The following TBCB variants were observed in gnomAD, a reference collection of about 807,000 sequenced individuals.
The protein encoded by TBCB is tubulin-folding cofactor B.
Under a neutral mutation model 29.2 loss-of-function variants are expected in TBCB, and 18 were observed. The observed-to-expected ratio is 0.62, with a 90% CI of 0.43 to 0.91. TBCB has a LOEUF of 0.91. Among genes scored for constraint, TBCB ranks in the 40% least tolerant of loss-of-function variants. The probability of loss-of-function intolerance (pLI) is 0.00; values close to 1 mark genes in which losing one functional copy is unlikely to be tolerated. For synonymous variants in TBCB, 172 were observed against 137.8 expected (o/e 1.25, Z -1.74); for missense variants, 336 against 337.6 (o/e 1.00, Z 0.04).
intron 2 of TBCB, among the ~76,000 whole-genome samples, chr19:36,119,301 C>T (rs1002005439): frequency 6.6e-6 from 1 of 152,204 alleles, no homozygotes; most frequent in Non-Finnish European, 1.5e-5. Context: ...AAGGCCATTC[C>T]TATTTTGCCA....
At chr19:36,123,256 T>TC (rs976673800) in intron 4 of TBCB, among the ~76,000 whole-genome samples, 2 of 98,494 alleles carry the variant, frequency 2.0e-5, no homozygotes, top group African/African-American at 3.3e-5. Context: ...ACCTTCTTCT[T>TC]TTTTTTTTTT....
At chr19:36,125,292 G>C (rs1974118947) in intron 4 of TBCB, among the ~76,000 whole-genome samples, 159 bp from the exon 5 acceptor site, 1 of 152,236 alleles carries the variant, frequency 6.6e-6, no homozygotes, top group Non-Finnish European at 1.5e-5. Flanking sequence ...GCAGGAGCTG[G>C]AGGTGGTCCT....
chr19:36,115,305 G>T (rs554368387), upstream of TBCB: 1 of 546,948 alleles, frequency 1.8e-6, no homozygotes, highest in Non-Finnish European at 3.2e-6. Flanking sequence ...TTCCCGGGCC[G>T]CTATTGGAAG....
intron 4 of TBCB, 117 bp downstream of exon 4, chr19:36,121,835 G>C (rs912767896): frequency 7.8e-6 from 10 of 1,288,888 alleles, no homozygotes; most frequent in Non-Finnish European, 1.1e-5. Flanking sequence ...GGTTGGGGGG[G>C]ACTCGAAACG....
At chr19:36,121,794 C>T (rs1238471921) in intron 4 of TBCB, 76 bp downstream of exon 4, 11 of 1,527,576 alleles carry the variant, frequency 7.2e-6, no homozygotes, top group Admixed American at 3.9e-5. Flanking sequence ...ACAGTGGAGC[C>T]TCGGAGACCA....
At chr19:36,120,857 G>T in intron 3 of TBCB, 51 bp downstream of exon 3, 1 of 1,580,132 alleles carries the variant, frequency 6.3e-7, no homozygotes, top group Non-Finnish European at 8.7e-7. Context: ...GGGAGTATGT[G>T]CAGGTATGAG....
chr19:36,121,893 C>T (rs1446341375), intron 4 of TBCB, 175 bp downstream of exon 4: 3 of 850,840 alleles, frequency 3.5e-6, no homozygotes, highest in Non-Finnish European at 5.4e-6. Flanking sequence ...ACTGACGGCC[C>T]AGAGTGTTTG....
chr19:36,117,759 T>A (rs1973979567), intron 2 of TBCB: 1 of 152,016 alleles, frequency 6.6e-6, no homozygotes, highest in African/African-American at 2.4e-5. Context: ...GGGTGGAGTT[T>A]ATTTATTTAT....
intron 4 of TBCB, among the ~76,000 whole-genome samples, chr19:36,124,006 G>T (rs187326286): frequency 2.6e-5 from 4 of 152,114 alleles, no homozygotes; most frequent in Non-Finnish European, 5.9e-5. Flanking sequence ...TCCCACAGCC[G>T]CTGCAGCAGT....
intron 4 of TBCB, 99 bp from the exon 5 acceptor site, chr19:36,125,352 C>T (rs1974119508): frequency 7.6e-7 from 1 of 1,313,648 alleles, no homozygotes; most frequent in Non-Finnish European, 1.1e-6. Context: ...AGACAGGCTT[C>T]TACTCAATGG....
At chr19:36,120,622 C>A in intron 2 of TBCB, 88 bp from the exon 3 acceptor site, 1 of 1,132,990 alleles carries the variant, frequency 8.8e-7, no homozygotes, top group Non-Finnish European at 1.3e-6. Flanking sequence ...TGCGTTTTTC[C>A]CAGATGGAGA....
At chr19:36,120,576 A>G in intron 2 of TBCB, 134 bp from the exon 3 acceptor site, 1 of 687,096 alleles carries the variant, frequency 1.5e-6, no homozygotes, top group Non-Finnish European at 2.5e-6. Flanking sequence ...GGCTCAGGAG[A>G]GAAGAGAAGG....
chr19:36,119,544 G>A (rs1174447122), intron 2 of TBCB, among the ~76,000 whole-genome samples: 1 of 152,122 alleles, frequency 6.6e-6, no homozygotes, highest in Admixed American at 6.6e-5. Flanking sequence ...GTCAGGCCAG[G>A]GCCCTCCTAG....
At chr19:36,121,900 T>C (rs1191788814) in intron 4 of TBCB, 182 bp downstream of exon 4, 2 of 805,766 alleles carry the variant, frequency 2.5e-6, no homozygotes, top group Admixed American at 5.2e-5. Context: ...GCCCAGAGTG[T>C]TTGTGGAGGG....
intron 4 of TBCB, among the ~76,000 whole-genome samples, chr19:36,123,750 C>A (rs1974095368): frequency 6.6e-6 from 1 of 152,164 alleles, no homozygotes; most frequent in South Asian, 2.1e-4. Context: ...TGGCGGGTGC[C>A]TGTGATCGCA....
intron 2 of TBCB, chr19:36,118,701 G>C (rs548208966): frequency 6.7e-6 from 1 of 150,020 alleles, no homozygotes; most frequent in Non-Finnish European, 1.5e-5. Flanking sequence ...AAAAAAAAAA[G>C]GTTAACTGAA....
At chr19:36,125,618 G>A (rs1479098914) in intron 5 of TBCB, 50 bp from the exon 6 acceptor site, 1 of 1,607,790 alleles carries the variant, frequency 6.2e-7, no homozygotes, top group African/African-American at 1.3e-5. Flanking sequence ...TTCTAGAGTG[G>A]AGCCATGTGA....
At chr19:36,116,242 A>G (rs1973952466) in intron 2 of TBCB, 58 bp downstream of exon 2, 5 of 1,595,730 alleles carry the variant, frequency 3.1e-6, no homozygotes, top group Non-Finnish European at 3.4e-6. Flanking sequence ...GTTATTCAAC[A>G]GACACTTGCT....
chr19:36,115,987 C>A, intron 1 of TBCB, 54 bp from the exon 2 acceptor site: 1 of 1,586,074 alleles, frequency 6.3e-7, no homozygotes, highest in Non-Finnish European at 8.6e-7. Context: ...GTCATTGATG[C>A]AAGGGGCGGG....
Sources: gnomAD v4.1 joint callset for allele counts (sites outside exome capture counted in the v4.1 genomes callset) on GRCh38, gnomAD v4.1.1 for gene constraint, MANE v1.5 for transcripts, NCBI Gene and HGNC (gene_info 2026-07-23, HGNC 2026-07-21) for gene names.